Variants in ZNF17 observed in about 807,000 individuals in gnomAD.
ZNF17 encodes the protein zinc finger protein 17 (HPF3, KOX 10).
A neutral mutation model predicts 7.7 loss-of-function variants in ZNF17; 4 were observed. The observed-to-expected ratio is 0.52, with a 90% CI of 0.26 to 1.20. ZNF17 has a LOEUF of 1.20. Among genes scored for constraint, ZNF17 ranks in the 50% most tolerant of loss-of-function variants. ZNF17 has a pLI of 0.14. For synonymous variants in ZNF17, 249 were observed against 258.8 expected, an observed-to-expected ratio of 0.96 and a Z score of 0.36; for missense variants, 738 against 799.5, an observed-to-expected ratio of 0.92 and a Z score of 0.93.
chr19:57,413,695 A>G (rs2088793195), intron 2 of ZNF17, 59 bp downstream of exon 2: 1 of 1,521,612 alleles, frequency 6.6e-7, no homozygotes, highest in African/African-American at 1.4e-5. Flanking sequence ...ATGCTGATAT[A>G]GGGAATGGTG....
Position 57,417,853 on chromosome 19 carries a change from A to G in ZNF17, c.22-59A>G, listed in dbSNP as rs2088821114. 4.2e-5 allele frequency: 67 copies of G among 1,585,394 alleles called. 1 individual carries two copies. In the South Asian group the frequency reaches 7.8e-4, roughly 18 times the overall value. On this transcript the variant is annotated intron_variant, in intron 2 of 3. Transcript: ENST00000307658. The stretch of plus-strand genomic sequence containing the variant: ...AGAGCGAGACTCCATCTCAAAAAAA[A>G]AAAAAAAAAGAAAGAAAAAAAAAGT...
At position 57,420,719 on chromosome 19, in the gene ZNF17, T is replaced by C; in HGVS notation, c.1233T>C (p.Thr411=). ...TCATTAGACATCAGAAAGTTCACAC[T>C]GGAGAAAAGCCTTATGAGTGTAGTG... ...STLIRHQKVH[T]GEKPYECSEC... Residue 411 remains threonine (T), a synonymous_variant, in exon 4 of 4, where the codon ACT becomes ACC. Transcript: ENST00000307658. 1 of 1,614,122 alleles carries C rather than the reference T, an allele frequency of 6.2e-7. No individual in the cohort carries two copies. Among genetic ancestry groups the C allele is most frequent in the Non-Finnish European group, 8.5e-7 (1 of 1,179,998 alleles).
At position 57,421,088 on chromosome 19, in the gene ZNF17, G is replaced by A. The variant is rs1408711545; in HGVS notation, c.1602G>A (p.Gly534=). ...GGCCTTATGAGTGTAGTGAATGTGGGAAATTCTTTAGGCACAACTCAAATC... is the reference window on the plus strand; with the variant it reads ...GGCCTTATGAGTGTAGTGAATGTGGAAAATTCTTTAGGCACAACTCAAATC... ...GERPYECSEC[G]KFFRHNSNHI... is the part of the protein sequence containing the mutation. Residue 534 remains glycine (G), a synonymous_variant, in exon 4 of 4, where the codon GGG becomes GGA. Coordinates refer to ENST00000307658, the MANE Select transcript of ZNF17 (RefSeq NM_001330617.2). 10 of 1,613,966 alleles carry A rather than the reference G, an allele frequency of 6.2e-6. No homozygotes were observed. The Admixed American group carries it at 1.5e-4, about 24-fold the overall frequency.
rs1296380066 is a variant in ZNF17 at position 57,421,753 on chromosome 19, C to G, written c.*272C>G. The G allele has an allele frequency of 1.6e-5, 5 of 319,132 alleles. No individual in the cohort carries two copies. Among genetic ancestry groups the G allele is most frequent in the South Asian group, 2.2e-4 (2 of 9,168 alleles). The allele number at this position is 319,132 out of a possible 1,614,324, so 19.8% of individuals were successfully genotyped here. ...ATCCAGCCTCTTGACAAGCACCGCT[C>G]TGTATGAATTTTACTAGTCCGGGTA... is the stretch of plus-strand genomic sequence containing the variant. On this transcript the variant is annotated 3_prime_UTR_variant, in exon 4 of 4. Transcript: ENST00000307658.
chr19:57,411,705 G>T (rs2088778117), intron 1 of ZNF17: 1 of 1,306,064 alleles, frequency 7.7e-7, no homozygotes. Context: ...GCCGTAGAAG[G>T]CTGTGCAGGA....
chr19:57,420,868 G>C lies in ZNF17; in HGVS notation c.1382G>C (p.Arg461Thr). The change falls in exon 4 of 4, where the codon AGA becomes ACA. Residue 461 changes from arginine to threonine, a missense_variant. By Grantham distance (71) the Arg-to-Thr change is moderately conservative (BLOSUM62 -1). This residue lies in a region of ZNF17 where 616 missense variants were observed against 663.9 expected (regional missense o/e 0.93). Transcript: ENST00000307658. ...KFFRYCFTLN[R>T]HQRVHSGERP... ...TTTAGGTATTGCTTCACACTGAATAGACATCAGAGAGTTCACTCTGGAGAG... is the reference window on the plus strand; with the variant it reads ...TTTAGGTATTGCTTCACACTGAATACACATCAGAGAGTTCACTCTGGAGAG... 2 of 1,614,114 alleles carry C rather than the reference G, an allele frequency of 1.2e-6. No homozygotes were observed. Among genetic ancestry groups the C allele is most frequent in the Non-Finnish European group, 1.7e-6 (2 of 1,180,018 alleles).
intron 1 of ZNF17, among the ~76,000 whole-genome samples, chr19:57,412,447 C>CTT (rs371324558): frequency 0.34 from 39,658 of 115,314 alleles, 5,663 homozygotes; most frequent in African/African-American, 0.43. Flanking sequence ...ATGTGTAAAA[C>CTT]ATTTTTTTTT....
At position 57,420,151 on chromosome 19, in the gene ZNF17, G is replaced by T. The variant is rs756487976; in HGVS notation, c.665G>T (p.Cys222Phe). Reference sequence around the variant, plus strand: ...CACACAGAGGAAAGGCCTTATGAGTGCAGTGAATGTGGCAAATTGTTTAGG... The same window carrying T: ...CACACAGAGGAAAGGCCTTATGAGTTCAGTGAATGTGGCAAATTGTTTAGG... ...KIHTEERPYE[C>F]SECGKLFRYN... The change falls in exon 4 of 4, where the codon TGC becomes TTC. Residue 222 changes from cysteine to phenylalanine, a missense_variant. Coordinates refer to ENST00000307658, the MANE Select transcript of ZNF17 (RefSeq NM_001330617.2). The T allele has an allele frequency of 6.2e-7, 1 of 1,613,610 alleles. No homozygotes were observed. The highest frequency in any genetic ancestry group is 1.7e-5 in the Admixed American group (1 of 60,026).
At chr19:57,419,478 G>A (rs1047690732) in intron 3 of ZNF17, 157 bp from the exon 4 acceptor site, 32 of 733,386 alleles carry the variant, frequency 4.4e-5, no homozygotes, top group African/African-American at 1.1e-4. Flanking sequence ...TGTCAGTCCC[G>A]GTTCTGCCCA....
chr19:57,420,876 A>G lies in ZNF17; in HGVS notation c.1390A>G (p.Arg464Gly). 1 of 1,614,238 alleles carries G rather than the reference A, an allele frequency of 6.2e-7. No homozygotes were observed. The highest frequency in any genetic ancestry group is 1.1e-5 in the South Asian group (1 of 91,086). The change falls in exon 4 of 4, where the codon AGA (arginine) becomes GGA (glycine). Residue 464 changes from arginine to glycine, a missense_variant. This residue lies in a region of ZNF17 where 616 missense variants were observed against 663.9 expected (regional missense o/e 0.93). Coordinates refer to ENST00000307658, the MANE Select transcript of ZNF17 (RefSeq NM_001330617.2). ...RYCFTLNRHQ[R>G]VHSGERPYEC... The stretch of plus-strand genomic sequence containing the variant: ...TTGCTTCACACTGAATAGACATCAG[A>G]GAGTTCACTCTGGAGAGAGGCCTTA...
intron 1 of ZNF17, among the ~76,000 whole-genome samples, chr19:57,413,193 A>G (rs182925619): frequency 1.4e-4 from 22 of 152,092 alleles, no homozygotes; most frequent in Admixed American, 5.2e-4. Flanking sequence ...TAATTTTTCT[A>G]TTTGCTTGCA....
chr19:57,421,331 T>G lies in ZNF17; in HGVS notation c.1845T>G (p.Ser615Arg). The change falls in exon 4 of 4, where the codon AGT becomes AGG. Residue 615 changes from serine to arginine, a missense_variant. Ser to Arg is a moderately radical substitution (Grantham distance 110, BLOSUM62 -1). Coordinates refer to ENST00000307658, the MANE Select transcript of ZNF17 (RefSeq NM_001330617.2). The stretch of plus-strand genomic sequence containing the variant: ...CTGGAGAAAAGCCTTATGAGTGCAG[T>G]GAATGTGGGAAAGTCTTTAGATACA... Reference protein sequence around the residue: ...VHTGEKPYECSECGKVFRYNS... With the variant: ...VHTGEKPYECRECGKVFRYNS... 6.2e-7 allele frequency: 1 copy of G among 1,614,076 alleles called. No homozygotes were observed. The highest frequency in any genetic ancestry group is 8.5e-7 in the Non-Finnish European group (1 of 1,180,014).
Position 57,421,568 on chromosome 19 carries a change from A to G in ZNF17, c.*87A>G. On this transcript the variant is annotated 3_prime_UTR_variant, in exon 4 of 4. Coordinates refer to ENST00000307658, the MANE Select transcript of ZNF17 (RefSeq NM_001330617.2). ...CTGGGACCTACGTTTTAAAAAAAGT[A>G]TTCTTGTAGAATACAGATAACATAA... 3 of 1,407,474 alleles carry G rather than the reference A, an allele frequency of 2.1e-6. No homozygotes were observed. The highest frequency in any genetic ancestry group is 2.9e-6 in the Non-Finnish European group (3 of 1,042,276). The allele number at this position is 1,407,474 out of a possible 1,614,324, so 87.2% of individuals were successfully genotyped here. A position where few individuals can be genotyped will look rare whatever the true frequency, so the allele number is the denominator to read the frequency against.
Position 57,421,761 on chromosome 19 carries a change from A to C in ZNF17, c.*280A>C. The stretch of plus-strand genomic sequence containing the variant: ...TCTTGACAAGCACCGCTCTGTATGA[A>C]TTTTACTAGTCCGGGTACCTCATAT... On this transcript the variant is annotated 3_prime_UTR_variant, in exon 4 of 4. Transcript: ENST00000307658. The C allele has an allele frequency of 3.3e-6, 1 of 301,252 alleles. No homozygotes were observed. Among genetic ancestry groups the C allele is most frequent in the East Asian group, 5.5e-5 (1 of 18,036 alleles). The allele number at this position is 301,252 out of a possible 1,614,324, so 18.7% of individuals were successfully genotyped here. A position where few individuals can be genotyped will look rare whatever the true frequency, so the allele number is the denominator to read the frequency against.
At position 57,420,814 on chromosome 19, in the gene ZNF17, C is replaced by G; in HGVS notation, c.1328C>G (p.Pro443Arg). The G allele has an allele frequency of 3.1e-6, 5 of 1,614,078 alleles. No homozygotes were observed. The highest frequency in any genetic ancestry group is 4.2e-6 in the Non-Finnish European group (5 of 1,180,016). Reference protein sequence around the residue: ...IHQRVHTGEKPYECNKCGKFF... With the variant: ...IHQRVHTGEKRYECNKCGKFF... ...CAGAGAGTTCATACTGGAGAAAAGC[C>G]TTATGAATGCAACAAATGTGGGAAA... The change falls in exon 4 of 4, where the codon CCT (proline) becomes CGT (arginine). Residue 443 changes from proline to arginine, a missense_variant. Physicochemically the swap from Pro to Arg is moderately radical, Grantham distance 103. Coordinates refer to ENST00000307658, the MANE Select transcript of ZNF17 (RefSeq NM_001330617.2).
chr19:57,411,706 C>A, intron 1 of ZNF17: 1 of 1,301,536 alleles, frequency 7.7e-7, no homozygotes, highest in Non-Finnish European at 9.8e-7. Flanking sequence ...CCGTAGAAGG[C>A]TGTGCAGGAA....
chr19:57,411,516 T>C, intron 1 of ZNF17, 110 bp downstream of exon 1: 1 of 1,498,758 alleles, frequency 6.7e-7, no homozygotes, highest in Non-Finnish European at 8.9e-7. Context: ...GGAGCGTTCT[T>C]GTGTGGGGTA....
intron 1 of ZNF17, among the ~76,000 whole-genome samples, chr19:57,412,711 TG>T: frequency 6.6e-6 from 1 of 152,160 alleles, no homozygotes; most frequent in Non-Finnish European, 1.5e-5. Context: ...CCCAAAGTGC[TG>T]GGATTACAGG....
chr19:57,417,935 G>A lies in ZNF17; in HGVS notation c.45G>A (p.Val15=). 1 of 1,613,986 alleles carries A rather than the reference G, an allele frequency of 6.2e-7. No individual in the cohort carries two copies. The highest frequency in any genetic ancestry group is 8.5e-7 in the Non-Finnish European group (1 of 1,180,002). Residue 15 remains valine (V), a synonymous_variant, in exon 3 of 4, where the codon GTG becomes GTA. Transcript: ENST00000307658. The part of the protein sequence containing the change: ...AGQDYMVFED[V]AIHFSQEEWG... Reference sequence around the variant, plus strand: ...AGGATTATATGGTTTTTGAGGACGTGGCCATACATTTCTCCCAGGAGGAGT... The same window carrying A: ...AGGATTATATGGTTTTTGAGGACGTAGCCATACATTTCTCCCAGGAGGAGT...
Sources: allele counts gnomAD v4.1 joint callset (sites outside exome capture counted in the v4.1 genomes callset), GRCh38; gene constraint gnomAD v4.1.1; regional missense constraint gnomAD v4.1.1; transcripts MANE v1.5; gene names NCBI Gene and HGNC (gene_info 2026-07-23, HGNC 2026-07-21).